The following HIVEP1 variants were observed in gnomAD, a reference collection of about 807,000 sequenced individuals.
The protein encoded by HIVEP1 is zinc finger protein 40.
HIVEP1 carries 36 observed loss-of-function variants against 180.0 expected under a neutral mutation model. The ratio of observed to expected loss-of-function variants is 0.20; its 90% CI spans 0.15 to 0.26. The LOEUF (loss-of-function observed/expected upper bound fraction) is 0.26, where lower values mean the gene tolerates loss of function less well. Among genes scored for constraint, HIVEP1 ranks in the 10% least tolerant of loss-of-function variants. The pLI is 1.00. For synonymous variants in HIVEP1, 1,239 were observed against 1,239.0 expected, an observed-to-expected ratio of 1.00 and a Z score of 0.00; for missense variants, 3,143 against 3,268.7, an observed-to-expected ratio of 0.96 and a Z score of 0.94.
Position 12,163,889 on chromosome 6 carries a change from C to T in HIVEP1, c.7585C>T (p.Pro2529Ser). Residue 2529 changes from proline (P) to serine (S), a missense_variant, in exon 9 of 9, where the codon CCT becomes TCT. Pro to Ser is a moderately conservative substitution (Grantham distance 74). Around this residue, in one of 12 missense-constraint regions of HIVEP1, gnomAD observed 595 missense variants for 602.2 expected, o/e 0.99. Transcript: ENST00000379388. ...CGGACTGCAGGTTCTGACTGCAAAC[C>T]CTTCATCACAAAGCAGCCCCGCCCC... is the stretch of plus-strand genomic sequence containing the variant. ...AVGLQVLTAN[P>S]SSQSSPAPQA... 1 of 1,614,136 alleles carries T rather than the reference C, an allele frequency of 6.2e-7. No homozygotes were observed. Among genetic ancestry groups the T allele is most frequent in the Non-Finnish European group, 8.5e-7 (1 of 1,180,038 alleles).
the HIVEP1 span, among the ~76,000 whole-genome samples, chr6:12,192,611 A>C: frequency 2.0e-4 from 30 of 152,084 alleles, no homozygotes; most frequent in East Asian, 3.3e-3. Flanking sequence ...AGTGTGTGGC[A>C]CTTCCCTCTT....
the HIVEP1 span, among the ~76,000 whole-genome samples, chr6:12,183,666 G>A: frequency 1.3e-5 from 2 of 151,948 alleles, no homozygotes; most frequent in African/African-American, 4.8e-5. Flanking sequence ...TTAATTATGG[G>A]ACAGTGATTT....
At chr6:12,133,550 CATA>C (rs1482285598) in intron 6 of HIVEP1, among the ~76,000 whole-genome samples, 1 of 152,130 alleles carries the variant, frequency 6.6e-6, no homozygotes, top group Non-Finnish European at 1.5e-5. Context: ...GAAGTTGATT[CATA>C]ATAAGTAATA....
chr6:12,187,007 G>A, the HIVEP1 span, among the ~76,000 whole-genome samples: 1 of 152,050 alleles, frequency 6.6e-6, no homozygotes, highest in East Asian at 1.9e-4. Flanking sequence ...GGGCTGAATA[G>A]CAGATTGAAA....
In HIVEP1 at chr6:12,135,911, T is replaced by C. The variant is rs1758678902; in HGVS notation, c.6487+19T>C. 1 of 1,480,840 alleles carries C rather than the reference T, an allele frequency of 6.8e-7. No individual in the cohort carries two copies. The highest frequency in any genetic ancestry group is 1.4e-5 in the African/African-American group (1 of 71,772). The allele number at this position is 1,480,840 out of a possible 1,614,324, so 91.7% of individuals were successfully genotyped here. A position where few individuals can be genotyped will look rare whatever the true frequency, so the allele number is the denominator to read the frequency against. ...GAATCAGGTAAGGCTTTATACCATA[T>C]TTTTCATAAATGCTATTTATAATGT... is the stretch of plus-strand genomic sequence containing the variant. On this transcript the variant is annotated intron_variant, in intron 7 of 8. Transcript: ENST00000379388.
At chr6:12,092,699 A>G (rs1773555536) in intron 3 of HIVEP1, among the ~76,000 whole-genome samples, 1 of 151,678 alleles carries the variant, frequency 6.6e-6, no homozygotes, top group South Asian at 2.1e-4. Context: ...TTTTTTTCCT[A>G]ATTGGATAGA....
At chr6:12,139,875 A>G (rs998419428) in intron 7 of HIVEP1, among the ~76,000 whole-genome samples, 1 of 152,252 alleles carries the variant, frequency 6.6e-6, no homozygotes, top group Non-Finnish European at 1.5e-5. Flanking sequence ...TCAGCAAGGC[A>G]GACTGCCTCT....
At chr6:12,053,595 A>ATAGC (rs1441483491) in intron 2 of HIVEP1, among the ~76,000 whole-genome samples, 1 of 152,176 alleles carries the variant, frequency 6.6e-6, no homozygotes, top group Non-Finnish European at 1.5e-5. Flanking sequence ...TTCTGAGTCC[A>ATAGC]TAGCCCTAGG....
At chr6:12,035,672 A>G (rs911459162) in intron 2 of HIVEP1, among the ~76,000 whole-genome samples, 1 of 152,246 alleles carries the variant, frequency 6.6e-6, no homozygotes, top group African/African-American at 2.4e-5. Flanking sequence ...GATCTTTTAA[A>G]TATGATGTTG....
chr6:12,074,652 G>A (rs866249752), intron 2 of HIVEP1, among the ~76,000 whole-genome samples: 3 of 151,580 alleles, frequency 2.0e-5, no homozygotes, highest in Non-Finnish European at 2.9e-5. Flanking sequence ...GTGCGCGCGC[G>A]TGCATGTCCT....
chr6:12,095,222 T>C (rs987277218), intron 3 of HIVEP1, among the ~76,000 whole-genome samples: 1 of 151,986 alleles, frequency 6.6e-6, no homozygotes, highest in African/African-American at 2.4e-5. Context: ...TCATGATACT[T>C]TCTTGCCTCA....
At chr6:12,071,847 AT>A (rs1771989039) in intron 2 of HIVEP1, among the ~76,000 whole-genome samples, 1 of 152,158 alleles carries the variant, frequency 6.6e-6, no homozygotes, top group Non-Finnish European at 1.5e-5. Flanking sequence ...AGATGAGTTA[AT>A]TTTTTGTAAT....
chr6:12,016,038 T>G (rs963300421), intron 2 of HIVEP1, among the ~76,000 whole-genome samples: 3 of 152,196 alleles, frequency 2.0e-5, no homozygotes, highest in African/African-American at 7.2e-5. Flanking sequence ...TTTTTCACTC[T>G]TCCTCCATAG....
At chr6:12,208,472 G>A in the HIVEP1 span, among the ~76,000 whole-genome samples, 1 of 152,132 alleles carries the variant, frequency 6.6e-6, no homozygotes, top group Non-Finnish European at 1.5e-5. Flanking sequence ...CTTGCAGGGC[G>A]GTTCCACCAC....
rs75658132 is a variant in HIVEP1, at chr6:12,163,598, A to G, written c.7294A>G (p.Ser2432Gly). 2.2e-4 allele frequency: 348 copies of G among 1,614,190 alleles called. 1 individual carries two copies. The African/African-American group carries it at 4.2e-3, about 20-fold the overall frequency. ...AGTGCAGCTCACGATCCCTGCTGTC[A>G]GTGTCGTTCACAGAACTTTGGGTAC... The part of the protein sequence containing the change: ...GPVQLTIPAV[S>G]VVHRTLGTHR... The change falls in exon 9 of 9, where the codon AGT (serine) becomes GGT (glycine). Residue 2432 changes from serine to glycine, a missense_variant. Physicochemically the swap from Ser to Gly is moderately conservative, Grantham distance 56. This residue lies in a region of HIVEP1 where 595 missense variants were observed against 602.2 expected (regional missense o/e 0.99). Coordinates refer to ENST00000379388, the MANE Select transcript of HIVEP1 (RefSeq NM_002114.4).
the HIVEP1 span, among the ~76,000 whole-genome samples, chr6:12,199,784 G>T: frequency 6.6e-6 from 1 of 152,204 alleles, no homozygotes; most frequent in East Asian, 1.9e-4. Context: ...AAAGCTATAT[G>T]TTGTGCACAT....
intron 4 of HIVEP1, among the ~76,000 whole-genome samples, chr6:12,126,076 T>C (rs1177105948): frequency 6.6e-6 from 1 of 152,238 alleles, no homozygotes; most frequent in Admixed American, 6.5e-5. Context: ...TGATTCTATC[T>C]TGAAAGATTT....
intron 2 of HIVEP1, among the ~76,000 whole-genome samples, chr6:12,081,784 T>A (rs1772806358): frequency 6.6e-6 from 1 of 152,196 alleles, no homozygotes; most frequent in South Asian, 2.1e-4. Context: ...CAGTTCACTC[T>A]CATTTTAAGC....
intron 7 of HIVEP1, among the ~76,000 whole-genome samples, chr6:12,155,769 A>T (rs1400029895): frequency 6.6e-6 from 1 of 152,180 alleles, no homozygotes; most frequent in East Asian, 1.9e-4. Context: ...ATACCCAGTA[A>T]TGTGATTGCT....
Sources: allele counts gnomAD v4.1 joint callset (sites outside exome capture counted in the v4.1 genomes callset), GRCh38; gene constraint gnomAD v4.1.1; regional missense constraint gnomAD v4.1.1; transcripts MANE v1.5; gene names NCBI Gene and HGNC (gene_info 2026-07-23, HGNC 2026-07-21).